DYNC2H1: variants seen among roughly 807,000 people sequenced by gnomAD.
The protein encoded by DYNC2H1 is cytoplasmic dynein 2 heavy chain 1.
A neutral mutation model predicts 570.0 loss-of-function variants in DYNC2H1; 410 were observed. The observed-to-expected ratio is 0.72, with a 90% CI of 0.66 to 0.78. DYNC2H1 has a LOEUF of 0.78. Ranked by LOEUF, DYNC2H1 falls within the 30% of genes least tolerant of loss-of-function variation. DYNC2H1 has a pLI of 0.00. For missense variants in DYNC2H1, 4,865 were observed against 5,046.4 expected (o/e 0.96, Z 1.09); for synonymous variants, 1,688 against 1,677.6 (o/e 1.01, Z -0.15).
At chr11:103,301,454 A>C (rs771941777) in intron 75 of DYNC2H1, among the ~76,000 whole-genome samples, 4 of 152,012 alleles carry the variant, frequency 2.6e-5, no homozygotes, top group Non-Finnish European at 4.4e-5. Flanking sequence ...TAAATAACTG[A>C]ATGCTTGAAT....
At chr11:103,382,786 T>C (rs12416977) in intron 83 of DYNC2H1, among the ~76,000 whole-genome samples, 20,417 of 152,256 alleles carry the variant, frequency 0.13, 1,625 homozygotes, top group Admixed American at 0.24. Context: ...AACTGATATG[T>C]TTCATTCCTT....
chr11:103,186,574 G>A lies in DYNC2H1; in HGVS notation c.6893+73G>A. 2 of 1,520,528 alleles carry A rather than the reference G, an allele frequency of 1.3e-6. No individual in the cohort carries two copies. Among genetic ancestry groups the A allele is most frequent in the Admixed American group, 2.1e-5 (1 of 48,024 alleles). 94.2% of individuals were successfully genotyped at this position (1,520,528 alleles called of 1,614,324 possible). ...GCCCCTAATTGATTTAATGGCTTTT[G>A]TTATGTTTCTTTTGGTTAAAGTAGC... is the stretch of plus-strand genomic sequence containing the variant. On this transcript the variant is annotated intron_variant, in intron 42 of 88. Coordinates refer to ENST00000375735, the MANE Select transcript of DYNC2H1 (RefSeq NM_001377.3). This position sits in a 1 kb window ranked among gnomAD's most constrained non-coding sequence, Gnocchi z 4.5.
intron 78 of DYNC2H1, among the ~76,000 whole-genome samples, chr11:103,310,665 T>C (rs1867535949): frequency 7.1e-6 from 1 of 140,258 alleles, no homozygotes; most frequent in Admixed American, 7.8e-5. Context: ...ACTTCAGTAG[T>C]GTATTTTCTT....
intron 87 of DYNC2H1, 83 bp from the exon 88 acceptor site, chr11:103,468,506 A>G: frequency 1.1e-6 from 1 of 886,490 alleles, no homozygotes; most frequent in Non-Finnish European, 1.8e-6. Flanking sequence ...AATGGAAAGC[A>G]TAGCTCTTAA....
Position 103,127,124 on chromosome 11 carries a change from G to A in DYNC2H1, c.1858-1786G>A, listed in dbSNP as rs184775261. Among the ~76,000 whole-genome samples, 29 of 152,262 alleles carry A rather than the reference G, an allele frequency of 1.9e-4. No individual in the cohort carries two copies. In the East Asian group the frequency reaches 5.4e-3, roughly 28 times the overall value. On this transcript the variant is annotated intron_variant, in intron 12 of 88. Coordinates refer to ENST00000375735, the MANE Select transcript of DYNC2H1 (RefSeq NM_001377.3). ...AGGAATGATTGATGTGAGTCTGGAA[G>A]AGTGTACATATGTTTTTCTCAAGTA...
intron 84 of DYNC2H1, among the ~76,000 whole-genome samples, chr11:103,409,340 C>A (rs896665914): frequency 9.9e-5 from 15 of 151,968 alleles, no homozygotes; most frequent in Non-Finnish European, 1.8e-4. Context: ...CTTATATTAA[C>A]ATTATTGCTT....
chr11:103,278,094 T>C (rs1865981463), intron 70 of DYNC2H1, among the ~76,000 whole-genome samples: 2 of 152,210 alleles, frequency 1.3e-5, no homozygotes, highest in South Asian at 4.1e-4. Context: ...TTTTTTCTGA[T>C]GCTTGAGGAC....
intron 84 of DYNC2H1, among the ~76,000 whole-genome samples, chr11:103,420,598 T>G (rs1329762667): frequency 1.3e-5 from 2 of 152,162 alleles, no homozygotes; most frequent in Non-Finnish European, 2.9e-5. Flanking sequence ...AAAAGAATAT[T>G]TAACCCAGAA....
chr11:103,191,508 C>A lies in DYNC2H1; in HGVS notation c.7438-9C>A. On this transcript the variant is annotated splice_polypyrimidine_tract_variant and intron_variant, in intron 45 of 88. Coordinates refer to ENST00000375735, the MANE Select transcript of DYNC2H1 (RefSeq NM_001377.3). The stretch of plus-strand genomic sequence containing the variant: ...GTAGAAAGATTGTTTACTGTATTTT[C>A]TTTTTCAGGTGCGAGCCAAATTTAC... The A allele has an allele frequency of 6.3e-7, 1 of 1,583,172 alleles. No individual in the cohort carries two copies. Among genetic ancestry groups the A allele is most frequent in the Non-Finnish European group, 8.6e-7 (1 of 1,160,402 alleles).
At chr11:103,124,006 A>G (rs560032072) in intron 11 of DYNC2H1, among the ~76,000 whole-genome samples, 1 of 152,138 alleles carries the variant, frequency 6.6e-6, no homozygotes, top group East Asian at 1.9e-4. Flanking sequence ...TTTGGGCTAA[A>G]TCATCATTTT....
intron 69 of DYNC2H1, 42 bp from the exon 70 acceptor site, chr11:103,259,846 T>A: frequency 7.6e-7 from 1 of 1,320,090 alleles, no homozygotes; most frequent in Non-Finnish European, 1.0e-6. Flanking sequence ...ACTTTTTAAA[T>A]GTTTATAAAT....
chr11:103,450,527 CAA>C (rs1257429426), intron 85 of DYNC2H1, among the ~76,000 whole-genome samples: 1 of 151,724 alleles, frequency 6.6e-6, no homozygotes, highest in African/African-American at 2.4e-5. Context: ...AAACCGGTAA[CAA>C]AGATTTATTG....
chr11:103,432,658 GC>G (rs796296706), intron 84 of DYNC2H1, among the ~76,000 whole-genome samples: 1 of 104,410 alleles, frequency 9.6e-6, no homozygotes, highest in African/African-American at 4.5e-5. Flanking sequence ...TAAGTCATCA[GC>G]AAAAAAAAAA....
rs73595688 is a variant in DYNC2H1 at position 103,142,666 on chromosome 11, G to A, written c.2575-602G>A. 6.3e-3 allele frequency among the ~76,000 whole-genome samples: 951 copies of A among 152,040 alleles called. 9 individuals are homozygous for A. The highest frequency in any genetic ancestry group is 0.021 in the African/African-American group (887 of 41,466). On this transcript the variant is annotated intron_variant, in intron 17 of 88. Coordinates refer to ENST00000375735, the MANE Select transcript of DYNC2H1 (RefSeq NM_001377.3). ...GCTGGGTGGCAGAGCGAGACTCCAT[G>A]TCAAGAAAAAAAGAAAATGTGTCAG...
At chr11:103,380,852 A>G (rs989560150) in intron 83 of DYNC2H1, among the ~76,000 whole-genome samples, 7 of 152,196 alleles carry the variant, frequency 4.6e-5, no homozygotes, top group Admixed American at 2.0e-4. Flanking sequence ...CTGAGCCAAC[A>G]TGCCTGGCCG....
chr11:103,316,107 A>G (rs535129470), intron 79 of DYNC2H1, among the ~76,000 whole-genome samples: 55 of 152,096 alleles, frequency 3.6e-4, no homozygotes, highest in African/African-American at 1.3e-3. Flanking sequence ...TTTAGTTCTG[A>G]TACGCATGCT....
At chr11:103,381,288 G>C (rs949851881) in intron 83 of DYNC2H1, among the ~76,000 whole-genome samples, 20 of 152,106 alleles carry the variant, frequency 1.3e-4, no homozygotes, top group African/African-American at 4.8e-4. Context: ...ATAACAAATA[G>C]ATGTGATCAC....
At chr11:103,278,461 G>A (rs1194383906) in intron 70 of DYNC2H1, among the ~76,000 whole-genome samples, 1 of 152,150 alleles carries the variant, frequency 6.6e-6, no homozygotes, top group Non-Finnish European at 1.5e-5. Context: ...GGAAACTGAG[G>A]TCAAGAGAGA....
rs748441178 is a variant in DYNC2H1, at chr11:103,255,403, TG to T, written c.10207-11del. On this transcript the variant is annotated splice_polypyrimidine_tract_variant and intron_variant, in intron 66 of 88. Transcript: ENST00000375735. ...TATTGCTAGAATTACCTTGTCTTTTTGTTATCCCAAGCTTTTAGCTTTAACC... is the reference window on the plus strand; with the variant it reads ...TATTGCTAGAATTACCTTGTCTTTTTTTATCCCAAGCTTTTAGCTTTAACC... 3.9e-5 allele frequency: 60 copies of T among 1,547,796 alleles called. No individual in the cohort carries two copies. Among genetic ancestry groups the T allele is most frequent in the Admixed American group, 3.6e-4 (18 of 49,916 alleles).
Sources: allele counts gnomAD v4.1 joint callset (sites outside exome capture counted in the v4.1 genomes callset), GRCh38; gene constraint gnomAD v4.1.1; non-coding constraint Gnocchi (gnomAD v3.1); transcripts MANE v1.5; gene names NCBI Gene and HGNC (gene_info 2026-07-23, HGNC 2026-07-21).